The following CSGALNACT1 variants were observed in gnomAD, a reference collection of about 807,000 sequenced individuals.
CSGALNACT1 encodes chondroitin sulfate N-acetylgalactosaminyltransferase 1.
In CSGALNACT1, 52 loss-of-function variants were observed where a neutral mutation model predicts 51.0. The observed-to-expected ratio is 1.02, with a 90% CI of 0.82 to 1.29. The LOEUF (loss-of-function observed/expected upper bound fraction) is 1.29, where lower values mean the gene tolerates loss of function less well. Among genes scored for constraint, CSGALNACT1 ranks in the 50% most tolerant of loss-of-function variants. CSGALNACT1 has a pLI of 0.00. For synonymous variants in CSGALNACT1, 341 were observed against 254.4 expected (o/e 1.34, Z -3.24); for missense variants, 935 against 679.2 (o/e 1.38, Z -4.19).
chr8:19,578,011 C>T (rs900389725), intron 3 of CSGALNACT1, among the ~76,000 whole-genome samples: 2 of 152,170 alleles, frequency 1.3e-5, no homozygotes, highest in African/African-American at 4.8e-5. Context: ...CTGACTGGAG[C>T]AATGGAAAAA....
intron 3 of CSGALNACT1, among the ~76,000 whole-genome samples, chr8:19,513,462 A>ATATATATATATATATATATATATATT (rs1226907527): frequency 1.4e-5 from 2 of 140,212 alleles, no homozygotes; most frequent in African/African-American, 5.4e-5. Context: ...ATATATATAT[A>ATATATATATATATATATATATATATT]TTTTGTGCCA....
At chr8:19,682,026 G>C (rs112421765) in intron 1 of CSGALNACT1, among the ~76,000 whole-genome samples, 3 of 152,164 alleles carry the variant, frequency 2.0e-5, no homozygotes, top group African/African-American at 7.2e-5. Context: ...GGGACCTGTG[G>C]CCAGGGATGT....
At chr8:19,498,793 C>CAGGA in intron 4 of CSGALNACT1, among the ~76,000 whole-genome samples, 1 of 152,266 alleles carries the variant, frequency 6.6e-6, no homozygotes, top group East Asian at 1.9e-4. Context: ...AAACATAAGC[C>CAGGA]AGGAAGAACA....
intron 3 of CSGALNACT1, among the ~76,000 whole-genome samples, chr8:19,516,633 T>C (rs1240230210): frequency 6.6e-6 from 1 of 152,200 alleles, no homozygotes; most frequent in Non-Finnish European, 1.5e-5. Flanking sequence ...CCTTGCTCTG[T>C]CCCTGCAACT....
chr8:19,442,141 C>G (rs545873190), intron 5 of CSGALNACT1, among the ~76,000 whole-genome samples: 38 of 152,266 alleles, frequency 2.5e-4, no homozygotes, highest in African/African-American at 8.7e-4. Flanking sequence ...CTAGTTCAAC[C>G]ATTGTGGAAG....
At chr8:19,599,470 GAAAAAGAAAGAA>G (rs2049803279) in intron 2 of CSGALNACT1, among the ~76,000 whole-genome samples, 1 of 25,854 alleles carries the variant, frequency 3.9e-5, no homozygotes, top group African/African-American at 1.3e-4. Context: ...AAGAAAGAAA[GAAAAAGAAAGAA>G]AGAAAGAAAG....
At chr8:19,720,094 C>G (rs990750326) in intron 1 of CSGALNACT1, among the ~76,000 whole-genome samples, 3 of 152,182 alleles carry the variant, frequency 2.0e-5, no homozygotes, top group Non-Finnish European at 1.5e-5. Flanking sequence ...ATGAGAAAGG[C>G]AGAGGAGAAA....
chr8:19,460,805 T>A lies in CSGALNACT1; in HGVS notation c.635-2163A>T, dbSNP rs117714901. Among the ~76,000 whole-genome samples the A allele has an allele frequency of 6.2e-3, 937 of 152,298 alleles. 6 individuals carry two copies. The highest frequency in any genetic ancestry group is 0.01 in the Non-Finnish European group (686 of 68,040). ...GGAACTACATGTCTTCCTCGCAAGT[T>A]CTCTTCTCTGTTTTTTGCCTTCTGG... On this transcript the variant is annotated intron_variant, in intron 4 of 9. Transcript: ENST00000454498.
At chr8:19,657,172 G>A (rs906293501) in intron 1 of CSGALNACT1, among the ~76,000 whole-genome samples, 1 of 151,390 alleles carries the variant, frequency 6.6e-6, no homozygotes, top group African/African-American at 2.4e-5. Context: ...GAGACAATTT[G>A]TGCACTTGGA....
intron 9 of CSGALNACT1, among the ~76,000 whole-genome samples, chr8:19,406,447 T>A (rs2054193363): frequency 6.6e-6 from 1 of 152,032 alleles, no homozygotes; most frequent in East Asian, 1.9e-4. Context: ...AATTAGCTAT[T>A]GTTAACAATT....
chr8:19,690,736 G>A (rs2061262133), intron 1 of CSGALNACT1, among the ~76,000 whole-genome samples: 1 of 152,224 alleles, frequency 6.6e-6, no homozygotes, highest in African/African-American at 2.4e-5. Context: ...CCGCATGGAA[G>A]GAGGGGGTGT....
intron 1 of CSGALNACT1, among the ~76,000 whole-genome samples, chr8:19,698,706 T>C (rs1322421780): frequency 1.3e-5 from 2 of 152,214 alleles, no homozygotes; most frequent in African/African-American, 4.8e-5. Flanking sequence ...ATTGGAATTC[T>C]TGTGAATCAC....
chr8:19,493,297 G>C (rs910836901), intron 4 of CSGALNACT1, among the ~76,000 whole-genome samples: 1 of 152,030 alleles, frequency 6.6e-6, no homozygotes, highest in African/African-American at 2.4e-5. Flanking sequence ...ACTCTTTTTT[G>C]GGGGAGGGGG....
chr8:19,678,043 G>A (rs985574073), intron 1 of CSGALNACT1, among the ~76,000 whole-genome samples: 1 of 152,000 alleles, frequency 6.6e-6, no homozygotes, highest in African/African-American at 2.4e-5. Context: ...GGAGGTGGAA[G>A]CTGCAGTGAG....
intron 3 of CSGALNACT1, among the ~76,000 whole-genome samples, chr8:19,569,178 G>C (rs1243450782): frequency 1.3e-5 from 2 of 152,184 alleles, no homozygotes; most frequent in Non-Finnish European, 2.9e-5. Context: ...ATCCTGAAAA[G>C]TACACAGTTA....
chr8:19,612,585 C>T (rs572873124), intron 1 of CSGALNACT1, among the ~76,000 whole-genome samples: 20 of 152,098 alleles, frequency 1.3e-4, no homozygotes, highest in Middle Eastern at 3.4e-3. Context: ...CCATCTTTTT[C>T]ACGTGATAAG....
chr8:19,543,545 G>A (rs917705768), intron 3 of CSGALNACT1, among the ~76,000 whole-genome samples: 1 of 152,192 alleles, frequency 6.6e-6, no homozygotes, highest in African/African-American at 2.4e-5. Context: ...GCTACACAGA[G>A]AATGCCTAAG....
At chr8:19,651,864 C>A (rs2057830875) in intron 1 of CSGALNACT1, among the ~76,000 whole-genome samples, 1 of 151,960 alleles carries the variant, frequency 6.6e-6, no homozygotes, top group Non-Finnish European at 1.5e-5. Flanking sequence ...AACTAATTTA[C>A]ATTTTTACCA....
intron 4 of CSGALNACT1, among the ~76,000 whole-genome samples, chr8:19,467,896 G>C (rs998617677): frequency 2.0e-5 from 3 of 152,184 alleles, no homozygotes; most frequent in Admixed American, 2.0e-4. Context: ...TGAGGTAGGA[G>C]GATCACTTAA....
Sources: allele counts gnomAD v4.1 joint callset (sites outside exome capture counted in the v4.1 genomes callset), GRCh38; gene constraint gnomAD v4.1.1; transcripts MANE v1.5; gene names NCBI Gene and HGNC (gene_info 2026-07-23, HGNC 2026-07-21).